Variants in FHOD3 observed in about 807,000 individuals in gnomAD.
The protein encoded by FHOD3 is formin homology 2 domain containing 3, also known as FH1/FH2 domain-containing protein 3.
A neutral mutation model predicts 173.0 loss-of-function variants in FHOD3; 90 were observed. The observed-to-expected ratio is 0.52, with a 90% CI of 0.44 to 0.62. The LOEUF is 0.62. Ranked by LOEUF, FHOD3 falls within the 20% of genes least tolerant of loss-of-function variation. FHOD3 has a pLI of 0.00. For missense variants in FHOD3, 1,945 were observed against 2,034.7 expected, an observed-to-expected ratio of 0.96 and a Z score of 0.85; for synonymous variants, 828 against 823.0, an observed-to-expected ratio of 1.01 and a Z score of -0.10.
chr18:36,388,594 G>A (rs2048140598), intron 3 of FHOD3, among the ~76,000 whole-genome samples: 1 of 152,174 alleles, frequency 6.6e-6, no homozygotes, highest in Non-Finnish European at 1.5e-5. Flanking sequence ...TGGAGGATCT[G>A]TGTGGCATTC....
chr18:36,479,788 C>T (rs538781011), intron 3 of FHOD3, among the ~76,000 whole-genome samples: 6 of 152,196 alleles, frequency 3.9e-5, no homozygotes, highest in South Asian at 4.2e-4. Flanking sequence ...AATGGACTGA[C>T]GAGTCTCATT....
chr18:36,662,380 C>T lies in FHOD3; in HGVS notation c.1835+4192C>T, dbSNP rs572192975. Among the ~76,000 whole-genome samples the T allele has an allele frequency of 5.3e-5, 8 of 152,264 alleles. No individual in the cohort carries two copies. The East Asian group carries it at 1.5e-3, about 29-fold the overall frequency. On this transcript the variant is annotated intron_variant, in intron 14 of 28. Coordinates refer to ENST00000590592, the MANE Select transcript of FHOD3 (RefSeq NM_001281740.3). ...GGGAAGAGGTTGTAGGAACCTCAGGCCCATACTTAGGACGCCAGAGAGGAT... is the reference window on the plus strand; with the variant it reads ...GGGAAGAGGTTGTAGGAACCTCAGGTCCATACTTAGGACGCCAGAGAGGAT...
At chr18:36,581,469 C>T (rs1175582169) in intron 6 of FHOD3, among the ~76,000 whole-genome samples, 1 of 152,208 alleles carries the variant, frequency 6.6e-6, no homozygotes, top group Admixed American at 6.5e-5. Flanking sequence ...TGGAAGCTTC[C>T]CTGTCTGCAT....
chr18:36,502,766 A>C (rs12968974), intron 4 of FHOD3, among the ~76,000 whole-genome samples: 26,195 of 152,068 alleles, frequency 0.17, 3,362 homozygotes, highest in East Asian at 0.59. Flanking sequence ...CCCATCCCAA[A>C]CAACCTCTTT....
intron 21 of FHOD3, 58 bp from the exon 22 acceptor site, chr18:36,742,679 G>C (rs995535085): frequency 1.3e-6 from 2 of 1,567,648 alleles, no homozygotes; most frequent in African/African-American, 1.4e-5. Flanking sequence ...AAAGTCAGAA[G>C]AACAAAGTAA....
chr18:36,321,917 C>T (rs1598706170), intron 1 of FHOD3, among the ~76,000 whole-genome samples: 2 of 152,306 alleles, frequency 1.3e-5, no homozygotes, highest in East Asian at 3.9e-4. Context: ...TCTCAGATGC[C>T]TCCTTTGTTG....
chr18:36,326,459 A>G (rs941059205), intron 1 of FHOD3, among the ~76,000 whole-genome samples: 2 of 152,176 alleles, frequency 1.3e-5, no homozygotes, highest in Non-Finnish European at 2.9e-5. Context: ...TTTTTGCCAC[A>G]TATTTCACAC....
chr18:36,525,701 G>T (rs2056479158), intron 5 of FHOD3, among the ~76,000 whole-genome samples: 1 of 152,082 alleles, frequency 6.6e-6, no homozygotes. Context: ...GTCTTTCTGG[G>T]CTTCTTAGGC....
chr18:36,531,982 A>G (rs980854599), intron 5 of FHOD3, among the ~76,000 whole-genome samples: 1 of 151,960 alleles, frequency 6.6e-6, no homozygotes, highest in Non-Finnish European at 1.5e-5. Flanking sequence ...AATATCTTTC[A>G]TTTCCATTTC....
chr18:36,776,809 A>C (rs552754144), intron 28 of FHOD3, among the ~76,000 whole-genome samples: 1 of 152,202 alleles, frequency 6.6e-6, no homozygotes, highest in Non-Finnish European at 1.5e-5. Flanking sequence ...GGGAGAGGGC[A>C]CAGGCTCTGT....
chr18:36,394,178 C>T (rs1219738850), intron 3 of FHOD3, among the ~76,000 whole-genome samples: 1 of 152,082 alleles, frequency 6.6e-6, no homozygotes, highest in African/African-American at 2.4e-5. Context: ...TGAGCCGTCT[C>T]CTGGGGAGCA....
At position 36,758,811 on chromosome 18, in the gene FHOD3, TTGG is replaced by T. The variant is rs1210315433; in HGVS notation, c.4426-299_4426-297del. Among the ~76,000 whole-genome samples, 9 of 152,260 alleles carry T rather than the reference TTGG, an allele frequency of 5.9e-5. 1 individual carries two copies. In the East Asian group the frequency reaches 1.2e-3, roughly 20 times the overall value. On this transcript the variant is annotated intron_variant, in intron 25 of 28. Transcript: ENST00000590592. Reference sequence around the variant, plus strand: ...GCACGATGCACAGCTGCGAGTGACGTTGGTGGTGGTCAGGGAATCGAGTTAGCT... The same window carrying T: ...GCACGATGCACAGCTGCGAGTGACGTTGGTGGTCAGGGAATCGAGTTAGCT...
intron 3 of FHOD3, among the ~76,000 whole-genome samples, chr18:36,443,609 C>G (rs1004337058): frequency 2.6e-5 from 4 of 152,154 alleles, no homozygotes; most frequent in Non-Finnish European, 5.9e-5. Flanking sequence ...CTCTAAGGAG[C>G]CATGTTTCCT....
chr18:36,650,696 G>T (rs2035988754), intron 11 of FHOD3, among the ~76,000 whole-genome samples: 2 of 152,176 alleles, frequency 1.3e-5, no homozygotes, highest in Admixed American at 1.3e-4. Context: ...TCTGCTGAAA[G>T]GTGCATGTTC....
intron 17 of FHOD3, among the ~76,000 whole-genome samples, chr18:36,700,208 G>A (rs2039506041): frequency 6.6e-6 from 1 of 151,894 alleles, no homozygotes; most frequent in Non-Finnish European, 1.5e-5. Flanking sequence ...CATATGCCTT[G>A]AATCCCTGAG....
chr18:36,722,093 A>G (rs1205018992), intron 19 of FHOD3, among the ~76,000 whole-genome samples: 2 of 152,158 alleles, frequency 1.3e-5, no homozygotes, highest in East Asian at 3.9e-4. Context: ...ATTTTTCTCT[A>G]TCAGCTGGAA....
intron 14 of FHOD3, among the ~76,000 whole-genome samples, chr18:36,664,864 C>G (rs745870332): frequency 6.6e-6 from 1 of 150,800 alleles, no homozygotes; most frequent in Non-Finnish European, 1.5e-5. Flanking sequence ...GGGCTGGGCG[C>G]AGTAGCTCAT....
intron 5 of FHOD3, among the ~76,000 whole-genome samples, chr18:36,536,932 C>A (rs957734295): frequency 2.0e-5 from 3 of 152,146 alleles, no homozygotes; most frequent in Admixed American, 2.0e-4. Flanking sequence ...GAAAGAAAAA[C>A]AAAGGTAGAG....
intron 14 of FHOD3, among the ~76,000 whole-genome samples, chr18:36,675,535 G>A (rs1009782494): frequency 3.9e-5 from 6 of 152,128 alleles, no homozygotes; most frequent in African/African-American, 1.4e-4. Flanking sequence ...TTCTGTGCCA[G>A]GAGCCTCCTA....
Sources: gnomAD v4.1 joint callset for allele counts (sites outside exome capture counted in the v4.1 genomes callset) on GRCh38, gnomAD v4.1.1 for gene constraint, MANE v1.5 for transcripts, NCBI Gene and HGNC (gene_info 2026-07-23, HGNC 2026-07-21) for gene names.